Variants in ZNF365 observed in about 807,000 individuals in gnomAD.
The protein encoded by ZNF365 is zinc finger protein 365, also known as protein ZNF365.
A neutral mutation model predicts 35.0 loss-of-function variants in ZNF365; 22 were observed. That is an observed-to-expected ratio of 0.63 (90% confidence interval 0.45 to 0.90). The LOEUF is 0.90. Among genes scored for constraint, ZNF365 ranks in the 40% least tolerant of loss-of-function variants. The pLI is 0.00. For synonymous variants in ZNF365, 188 were observed against 196.2 expected, an observed-to-expected ratio of 0.96 and a Z score of 0.35; for missense variants, 448 against 500.3, an observed-to-expected ratio of 0.90 and a Z score of 1.00.
intron 3 of ZNF365, among the ~76,000 whole-genome samples, chr10:62,440,316 TGG>T (rs869081435): frequency 2.0e-3 from 3 of 1,522 alleles, no homozygotes; most frequent in African/African-American, 4.5e-3. Context: ...GGTCACGGGA[TGG>T]GGGGTTTTTT....
intron 3 of ZNF365, among the ~76,000 whole-genome samples, chr10:62,432,952 C>T (rs1464727982): frequency 1.3e-5 from 2 of 152,146 alleles, no homozygotes; most frequent in Admixed American, 6.5e-5. Context: ...GCATTAACTC[C>T]TCTCACTTTT....
At chr10:62,468,340 A>G (rs989475414) in intron 4 of ZNF365, among the ~76,000 whole-genome samples, 8 of 152,208 alleles carry the variant, frequency 5.3e-5, no homozygotes, top group African/African-American at 1.9e-4. Flanking sequence ...GGACATCAAA[A>G]TGTTCATGGA....
chr10:62,459,408 G>A (rs1840811123), intron 3 of ZNF365, among the ~76,000 whole-genome samples: 1 of 152,194 alleles, frequency 6.6e-6, no homozygotes, highest in Non-Finnish European at 1.5e-5. Flanking sequence ...TCATCAGGGG[G>A]AGACGATGGA....
intron 4 of ZNF365, among the ~76,000 whole-genome samples, chr10:62,460,504 C>G (rs1248172400): frequency 1.3e-5 from 2 of 152,198 alleles, no homozygotes; most frequent in African/African-American, 4.8e-5. Flanking sequence ...AGCGTGGTCT[C>G]TCTCTCTCTC....
At chr10:62,390,869 A>C (rs1839616178) in intron 3 of ZNF365, among the ~76,000 whole-genome samples, 1 of 152,234 alleles carries the variant, frequency 6.6e-6, no homozygotes, top group South Asian at 2.1e-4. Context: ...GAAGAAGAGA[A>C]GGTACAGTAA....
downstream of ZNF365, among the ~76,000 whole-genome samples, chr10:62,403,576 T>C (rs944137490): frequency 2.6e-5 from 4 of 152,168 alleles, no homozygotes; most frequent in African/African-American, 9.7e-5. Context: ...GAGAATGGCG[T>C]GAACCCGGGA....
At chr10:62,416,532 T>C (rs891963263) in intron 3 of ZNF365, among the ~76,000 whole-genome samples, 2 of 152,108 alleles carry the variant, frequency 1.3e-5, no homozygotes, top group Admixed American at 6.6e-5. Flanking sequence ...AATGGATGGA[T>C]TAAAGATGTT....
At chr10:62,428,600 T>A (rs1047835612) in intron 3 of ZNF365, among the ~76,000 whole-genome samples, 1 of 152,148 alleles carries the variant, frequency 6.6e-6, no homozygotes, top group Non-Finnish European at 1.5e-5. Flanking sequence ...AATTAACCAG[T>A]CTTGGGCAGT....
intron 3 of ZNF365, among the ~76,000 whole-genome samples, chr10:62,421,612 C>T (rs543092828): frequency 5.9e-5 from 9 of 152,324 alleles, no homozygotes; most frequent in African/African-American, 2.2e-4. Flanking sequence ...CCGACATTGG[C>T]ATACTCACTG....
intron 3 of ZNF365, among the ~76,000 whole-genome samples, chr10:62,436,027 G>A (rs1840401503): frequency 6.6e-6 from 1 of 151,850 alleles, no homozygotes; most frequent in Admixed American, 6.6e-5. Context: ...TTACTTCATG[G>A]GTATTTGGTT....
chr10:62,421,667 G>A (rs565062823), intron 3 of ZNF365, among the ~76,000 whole-genome samples: 2 of 152,232 alleles, frequency 1.3e-5, no homozygotes, highest in African/African-American at 2.4e-5. Flanking sequence ...GAAGTCCTTG[G>A]GATTTCTTTC....
intron 3 of ZNF365, among the ~76,000 whole-genome samples, chr10:62,409,956 A>C (rs1275894914): frequency 6.6e-6 from 1 of 152,102 alleles, no homozygotes; most frequent in African/African-American, 2.4e-5. Context: ...CCTCTCTGTG[A>C]TGGTGTCCAC....
intron 2 of ZNF365, among the ~76,000 whole-genome samples, chr10:62,377,999 A>G (rs1839365042): frequency 2.0e-5 from 3 of 152,258 alleles, no homozygotes; most frequent in Admixed American, 6.5e-5. Flanking sequence ...ATTACTTGCT[A>G]TCACTTAAAT....
chr10:62,463,424 A>C (rs779026672), intron 4 of ZNF365, among the ~76,000 whole-genome samples: 12 of 152,218 alleles, frequency 7.9e-5, no homozygotes, highest in Non-Finnish European at 1.8e-4. Context: ...CTGGGCTCAA[A>C]AGAGCATCCC....
intron 4 of ZNF365, among the ~76,000 whole-genome samples, chr10:62,470,537 G>A (rs1009911727): frequency 6.6e-6 from 1 of 152,330 alleles, no homozygotes. Context: ...TGTCCTTGAT[G>A]CTTTCTTTCT....
intron 3 of ZNF365, among the ~76,000 whole-genome samples, chr10:62,434,986 G>A (rs1840385503): frequency 6.6e-6 from 1 of 152,136 alleles, no homozygotes; most frequent in South Asian, 2.1e-4. Context: ...TGAACAAGAT[G>A]GGTTCCTGAA....
At chr10:62,389,439 GT>G (rs59551708) in intron 3 of ZNF365, among the ~76,000 whole-genome samples, 10 of 148,454 alleles carry the variant, frequency 6.7e-5, no homozygotes, top group East Asian at 2.0e-4. Context: ...AAATAGTTTT[GT>G]TTTTTTTTTT....
At position 62,399,783 on chromosome 10, in the gene ZNF365, C is replaced by G; in HGVS notation, c.1218C>G (p.Ile406Met). The change falls in exon 5 of 5, where the codon ATC becomes ATG. Residue 406 changes from isoleucine (I) to methionine (M), a missense_variant. By Grantham distance (10) the Ile-to-Met change is conservative (BLOSUM62 1). Coordinates refer to ENST00000395254, the MANE Select transcript of ZNF365 (RefSeq NM_014951.3). The part of the protein sequence containing the change: ...AKKKPTAIVN[I>M]I ...AAAAGCCAACAGCCATTGTGAACATCATCTAAAAGGGTGGGTGGTGCTGGA... is the reference window on the plus strand; with the variant it reads ...AAAAGCCAACAGCCATTGTGAACATGATCTAAAAGGGTGGGTGGTGCTGGA... The G allele has an allele frequency of 6.2e-7, 1 of 1,611,894 alleles. No individual in the cohort carries two copies. The highest frequency in any genetic ancestry group is 1.1e-5 in the South Asian group (1 of 90,978).
chr10:62,377,125 A>C (rs1287322965), intron 2 of ZNF365, among the ~76,000 whole-genome samples, 189 bp downstream of exon 2: 1 of 152,226 alleles, frequency 6.6e-6, no homozygotes, highest in East Asian at 1.9e-4. Flanking sequence ...ACGGTCTGCA[A>C]CCTAGCAGCA....
Sources: gnomAD v4.1 joint callset for allele counts (sites outside exome capture counted in the v4.1 genomes callset) on GRCh38, gnomAD v4.1.1 for gene constraint, MANE v1.5 for transcripts, NCBI Gene and HGNC (gene_info 2026-07-23, HGNC 2026-07-21) for gene names.